Variants in THSD4 observed in about 807,000 individuals in gnomAD.
THSD4 encodes the protein thrombospondin type 1 domain containing 4.
THSD4 carries 69 observed loss-of-function variants against 119.0 expected under a neutral mutation model. The ratio of observed to expected loss-of-function variants is 0.58; its 90% CI spans 0.48 to 0.71. The LOEUF (loss-of-function observed/expected upper bound fraction) is 0.71, where lower values mean the gene tolerates loss of function less well. THSD4 is among the 30% of genes least tolerant of loss of function. THSD4 has a pLI of 0.00. For missense variants in THSD4, 1,393 were observed against 1,391.1 expected (o/e 1.00, Z -0.02); for synonymous variants, 524 against 540.4 (o/e 0.97, Z 0.42).
chr15:71,545,494 C>T (rs1366864545), intron 7 of THSD4, among the ~76,000 whole-genome samples: 1 of 152,206 alleles, frequency 6.6e-6, no homozygotes, highest in Non-Finnish European at 1.5e-5. Context: ...GTAGTTGCTA[C>T]TTGAGCCCAC....
intron 1 of THSD4, among the ~76,000 whole-genome samples, chr15:71,108,093 G>A (rs1325170978): frequency 1.3e-5 from 2 of 152,324 alleles, no homozygotes; most frequent in East Asian, 3.9e-4. Flanking sequence ...TGGCCTGCTT[G>A]CTGGCAGATA....
chr15:71,400,715 C>G (rs1232194379), intron 6 of THSD4, among the ~76,000 whole-genome samples: 1 of 152,110 alleles, frequency 6.6e-6, no homozygotes, highest in Non-Finnish European at 1.5e-5. Flanking sequence ...GTTTCTAATT[C>G]ATTTACACTT....
rs565473973 is a variant in THSD4, at chr15:71,688,936, C to T, written c.1357+28202C>T. ...CCAGAACCACGTGCATATGGTTCTCCTCCTGGGCAAGGCCATTTCCCTGCC... is the reference window on the plus strand; with the variant it reads ...CCAGAACCACGTGCATATGGTTCTCTTCCTGGGCAAGGCCATTTCCCTGCC... On this transcript the variant is annotated intron_variant, in intron 8 of 17. Coordinates refer to ENST00000261862, the MANE Select transcript of THSD4 (RefSeq NM_024817.3). Among the ~76,000 whole-genome samples, 3 of 152,234 alleles carry T rather than the reference C, an allele frequency of 2.0e-5. No homozygotes were observed. In the South Asian group the frequency reaches 6.2e-4, roughly 32 times the overall value.
chr15:71,659,883 G>C (rs989249801), intron 7 of THSD4, among the ~76,000 whole-genome samples: 2 of 152,174 alleles, frequency 1.3e-5, no homozygotes, highest in African/African-American at 4.8e-5. Context: ...CAGCTCTACA[G>C]ACAGCACTCT....
rs144736427 is a variant in THSD4 at position 71,724,266 on chromosome 15, GATATAT to G, written c.1358-4266_1358-4261del. ...CTGGGGGAGGAGGCCTCTATGATGG[GATATAT>G]ATATATATATATATATTTTTTTTTT... On this transcript the variant is annotated intron_variant, in intron 8 of 17. Coordinates refer to ENST00000261862, the MANE Select transcript of THSD4 (RefSeq NM_024817.3). 2.0e-4 allele frequency among the ~76,000 whole-genome samples: 15 copies of G among 74,604 alleles called. 1 individual carries two copies. Among genetic ancestry groups the G allele is most frequent in the Admixed American group, 4.2e-4 (2 of 4,814 alleles). The allele number at this position is 74,604 out of a possible 152,430, so 48.9% of individuals were successfully genotyped here.
At chr15:71,387,130 C>T (rs7167593) in intron 6 of THSD4, among the ~76,000 whole-genome samples, 42,438 of 151,662 alleles carry the variant, frequency 0.28, 6,417 homozygotes, top group East Asian at 0.55. Flanking sequence ...AGGACTTGGG[C>T]CGGATGCTTT....
chr15:71,699,012 C>T (rs936341380), intron 8 of THSD4, among the ~76,000 whole-genome samples: 1 of 152,072 alleles, frequency 6.6e-6, no homozygotes, highest in Non-Finnish European at 1.5e-5. Context: ...ATAGGGCTTA[C>T]AGTTAACAAT....
intron 7 of THSD4, among the ~76,000 whole-genome samples, chr15:71,541,081 T>C (rs1178670083): frequency 6.6e-6 from 1 of 152,198 alleles, no homozygotes. Context: ...TCAATAAGTA[T>C]GAAAGGGTAT....
intron 7 of THSD4, among the ~76,000 whole-genome samples, chr15:71,474,056 A>G (rs1253396084): frequency 6.6e-6 from 1 of 152,094 alleles, no homozygotes; most frequent in Non-Finnish European, 1.5e-5. Flanking sequence ...GACCTCATCC[A>G]TGGTCAGGCC....
At chr15:71,652,861 C>A (rs2051119175) in intron 7 of THSD4, among the ~76,000 whole-genome samples, 1 of 152,162 alleles carries the variant, frequency 6.6e-6, no homozygotes, top group African/African-American at 2.4e-5. Flanking sequence ...TGCCATGGAC[C>A]ATTTCTTCTC....
chr15:71,492,451 G>GTTA (rs201865802), intron 7 of THSD4, among the ~76,000 whole-genome samples: 1 of 151,526 alleles, frequency 6.6e-6, no homozygotes, highest in African/African-American at 2.4e-5. Context: ...TGTTGTTGTT[G>GTTA]TTTTTGTATT....
chr15:71,221,738 A>G (rs946582300), intron 4 of THSD4, among the ~76,000 whole-genome samples: 7 of 152,174 alleles, frequency 4.6e-5, no homozygotes, highest in Non-Finnish European at 7.4e-5. Flanking sequence ...TGCTATGAAC[A>G]TGGGTGTTTT....
chr15:71,637,828 C>A (rs895666677), intron 7 of THSD4, among the ~76,000 whole-genome samples: 2 of 151,836 alleles, frequency 1.3e-5, no homozygotes, highest in Non-Finnish European at 2.9e-5. Flanking sequence ...TGGGTTCAAG[C>A]AATTCTCCTG....
At chr15:71,228,252 A>G (rs1015006647) in intron 4 of THSD4, among the ~76,000 whole-genome samples, 3 of 152,034 alleles carry the variant, frequency 2.0e-5, no homozygotes, top group South Asian at 2.1e-4. Context: ...TGAAGATAGA[A>G]TAGAGAGAGA....
intron 1 of THSD4, among the ~76,000 whole-genome samples, chr15:71,121,834 G>T (rs1284277842): frequency 6.6e-6 from 1 of 152,038 alleles, no homozygotes; most frequent in Non-Finnish European, 1.5e-5. Flanking sequence ...TCCCCACTCT[G>T]CCCTGTTTTC....
chr15:71,483,250 T>G (rs2047762118), intron 7 of THSD4, among the ~76,000 whole-genome samples: 1 of 152,174 alleles, frequency 6.6e-6, no homozygotes, highest in African/African-American at 2.4e-5. Flanking sequence ...AGTCACAGTC[T>G]CCAATACCTC....
chr15:71,747,845 A>G (rs2053368909), intron 13 of THSD4, among the ~76,000 whole-genome samples: 1 of 152,236 alleles, frequency 6.6e-6, no homozygotes, highest in African/African-American at 2.4e-5. Flanking sequence ...TGACAATAAT[A>G]TTCTTTACTC....
chr15:71,312,700 T>C (rs1025724212), intron 6 of THSD4, among the ~76,000 whole-genome samples: 2 of 152,106 alleles, frequency 1.3e-5, no homozygotes, highest in African/African-American at 4.8e-5. Context: ...CATACCTTCC[T>C]CTGCCTTTTC....
At chr15:71,682,482 T>C (rs2051803189) in intron 8 of THSD4, among the ~76,000 whole-genome samples, 1 of 152,032 alleles carries the variant, frequency 6.6e-6, no homozygotes, top group South Asian at 2.1e-4. Flanking sequence ...ACCACTACCG[T>C]GATTGTTCAC....
Sources: allele counts gnomAD v4.1 joint callset (sites outside exome capture counted in the v4.1 genomes callset), GRCh38; gene constraint gnomAD v4.1.1; transcripts MANE v1.5; gene names NCBI Gene and HGNC (gene_info 2026-07-23, HGNC 2026-07-21).